Variants in SCFD2 observed in about 807,000 individuals in gnomAD.
The protein encoded by SCFD2 is sec1 family domain-containing protein 2.
SCFD2 carries 54 observed loss-of-function variants against 58.9 expected under a neutral mutation model. The ratio of observed to expected loss-of-function variants is 0.92; its 90% CI spans 0.74 to 1.15. The LOEUF is 1.15. Ranked by LOEUF, SCFD2 falls within the 50% of genes most tolerant of loss-of-function variation. SCFD2 has a pLI of 0.00. For synonymous variants in SCFD2, 321 were observed against 335.9 expected (o/e 0.96, Z 0.49); for missense variants, 805 against 836.6 (o/e 0.96, Z 0.47).
chr4:53,277,968 G>A (rs1218704050), intron 3 of SCFD2, among the ~76,000 whole-genome samples: 5 of 151,922 alleles, frequency 3.3e-5, no homozygotes, highest in South Asian at 2.1e-4. Flanking sequence ...CAGGAGAATG[G>A]CGTGAACCCG....
intron 5 of SCFD2, among the ~76,000 whole-genome samples, chr4:52,967,862 T>C (rs1334361624): frequency 3.3e-5 from 5 of 152,264 alleles, no homozygotes; most frequent in African/African-American, 2.4e-5. Flanking sequence ...TCTTCCTTTT[T>C]CCCCTCCCTA....
intron 4 of SCFD2, among the ~76,000 whole-genome samples, chr4:53,246,751 G>C (rs1730088754): frequency 6.6e-6 from 1 of 152,108 alleles, no homozygotes; most frequent in Non-Finnish European, 1.5e-5. Flanking sequence ...AACCCTGGAA[G>C]ATAACCTAGG....
chr4:52,884,507 C>T (rs905028442), intron 8 of SCFD2, among the ~76,000 whole-genome samples: 3 of 152,258 alleles, frequency 2.0e-5, no homozygotes, highest in Middle Eastern at 3.4e-3. Flanking sequence ...ACCAGTGGAC[C>T]GCGCCCAGAG....
At chr4:53,311,477 C>T (rs1422210768) in intron 3 of SCFD2, among the ~76,000 whole-genome samples, 6 of 151,838 alleles carry the variant, frequency 4.0e-5, no homozygotes, top group African/African-American at 9.7e-5. Context: ...TTCAAAGATA[C>T]GGCCCTTTAG....
intron 4 of SCFD2, among the ~76,000 whole-genome samples, chr4:53,194,089 C>G (rs949325819): frequency 3.3e-5 from 5 of 152,190 alleles, no homozygotes; most frequent in Admixed American, 6.5e-5. Flanking sequence ...CATCCCCACC[C>G]TACACATACA....
At chr4:53,254,390 C>A (rs1389534213) in intron 4 of SCFD2, among the ~76,000 whole-genome samples, 2 of 152,184 alleles carry the variant, frequency 1.3e-5, no homozygotes, top group African/African-American at 4.8e-5. Context: ...GAAGAAGATG[C>A]CTGCTTCTCC....
chr4:53,141,235 T>C (rs747024177), intron 5 of SCFD2, among the ~76,000 whole-genome samples: 100 of 152,192 alleles, frequency 6.6e-4, no homozygotes, highest in South Asian at 1.2e-3. Flanking sequence ...CACTCAGGTA[T>C]ACTAATGACA....
At chr4:53,188,268 C>T (rs1160046150) in intron 4 of SCFD2, among the ~76,000 whole-genome samples, 1 of 152,154 alleles carries the variant, frequency 6.6e-6, no homozygotes, top group Non-Finnish European at 1.5e-5. Context: ...CACTTCCAAT[C>T]TGTGTTTACC....
chr4:53,226,303 T>A (rs936742568), intron 4 of SCFD2, among the ~76,000 whole-genome samples: 3 of 151,946 alleles, frequency 2.0e-5, no homozygotes, highest in Admixed American at 1.3e-4. Flanking sequence ...ATTATTTTTA[T>A]GGGGGGGAGG....
At chr4:52,945,854 T>A (rs1304392933) in intron 5 of SCFD2, 1 of 152,236 alleles carries the variant, frequency 6.6e-6, no homozygotes, top group East Asian at 1.9e-4. Flanking sequence ...CTCATGAGAA[T>A]TTTAACATTC....
At chr4:53,041,424 C>A (rs1487525718) in intron 5 of SCFD2, among the ~76,000 whole-genome samples, 5 of 152,174 alleles carry the variant, frequency 3.3e-5, no homozygotes, top group African/African-American at 1.2e-4. Context: ...CCTCTAACTA[C>A]CATTCTATTC....
chr4:52,949,579 G>T (rs948860338), intron 5 of SCFD2: 3 of 152,176 alleles, frequency 2.0e-5, no homozygotes, highest in African/African-American at 7.2e-5. Flanking sequence ...CCACGGACAG[G>T]AGAGTTTTTC....
At chr4:53,234,285 A>T (rs1577873598) in intron 4 of SCFD2, among the ~76,000 whole-genome samples, 2 of 152,332 alleles carry the variant, frequency 1.3e-5, no homozygotes, top group Admixed American at 1.3e-4. Context: ...AAGGCTTTTC[A>T]GCTTTTCCCC....
chr4:53,331,013 T>C (rs1733439567), intron 2 of SCFD2, among the ~76,000 whole-genome samples: 1 of 150,826 alleles, frequency 6.6e-6, no homozygotes, highest in African/African-American at 2.4e-5. Context: ...CATTACATAA[T>C]GGTAAAGGGA....
intron 4 of SCFD2, among the ~76,000 whole-genome samples, chr4:53,226,364 A>G (rs1239203189): frequency 6.6e-6 from 1 of 152,152 alleles, no homozygotes; most frequent in African/African-American, 2.4e-5. Context: ...AAAGACTACT[A>G]GAAAATACTG....
chr4:52,996,067 CT>C (rs1721734913), intron 5 of SCFD2, among the ~76,000 whole-genome samples: 1 of 152,218 alleles, frequency 6.6e-6, no homozygotes, highest in Admixed American at 6.5e-5. Context: ...GAGTCACTTT[CT>C]TCCTCAATCT....
chr4:53,072,516 T>C (rs1004726963), intron 5 of SCFD2, among the ~76,000 whole-genome samples: 1 of 151,608 alleles, frequency 6.6e-6, no homozygotes, highest in Admixed American at 6.6e-5. Context: ...CCGTGTACAG[T>C]GAAGAAACAG....
chr4:53,047,282 T>C (rs1216009834), intron 5 of SCFD2, among the ~76,000 whole-genome samples: 3 of 151,922 alleles, frequency 2.0e-5, no homozygotes, highest in African/African-American at 4.8e-5. Context: ...ACCCAGACTC[T>C]ACAAAAAATT....
chr4:53,194,760 C>T (rs1471434661), intron 4 of SCFD2, among the ~76,000 whole-genome samples: 3 of 152,152 alleles, frequency 2.0e-5, no homozygotes, highest in Non-Finnish European at 4.4e-5. Context: ...GATTTCTTTT[C>T]ATCACTACCT....
Sources: allele counts gnomAD v4.1 joint callset (sites outside exome capture counted in the v4.1 genomes callset), GRCh38; gene constraint gnomAD v4.1.1; transcripts MANE v1.5; gene names NCBI Gene and HGNC (gene_info 2026-07-23, HGNC 2026-07-21).